RAPGEF4: variants seen among roughly 807,000 people sequenced by gnomAD.
RAPGEF4 encodes Rap guanine nucleotide exchange factor 4, also known as RAP guanine-nucleotide-exchange factor (GEF) 4.
A neutral mutation model predicts 147.9 loss-of-function variants in RAPGEF4; 66 were observed. The observed-to-expected ratio is 0.45, with a 90% CI of 0.37 to 0.55. The LOEUF (loss-of-function observed/expected upper bound fraction) is 0.55, where lower values mean the gene tolerates loss of function less well. Ranked by LOEUF, RAPGEF4 falls within the 20% of genes least tolerant of loss-of-function variation. The pLI is 0.00. For synonymous variants in RAPGEF4, 419 were observed against 442.7 expected, an observed-to-expected ratio of 0.95 and a Z score of 0.67; for missense variants, 1,071 against 1,257.3, an observed-to-expected ratio of 0.85 and a Z score of 2.24.
intron 6 of RAPGEF4, among the ~76,000 whole-genome samples, chr2:172,929,764 A>G (rs1685731962): frequency 6.6e-6 from 1 of 152,196 alleles, no homozygotes; most frequent in African/African-American, 2.4e-5. Flanking sequence ...ACGTGAACAA[A>G]TAAGAACAGT....
At chr2:172,981,717 A>G (rs1203917684) in intron 10 of RAPGEF4, among the ~76,000 whole-genome samples, 1 of 152,250 alleles carries the variant, frequency 6.6e-6, no homozygotes, top group African/African-American at 2.4e-5. Flanking sequence ...TGTGCAAAGT[A>G]TGCAGAGTTT....
At chr2:172,892,097 G>A (rs1027984096) in intron 4 of RAPGEF4, among the ~76,000 whole-genome samples, 1 of 152,098 alleles carries the variant, frequency 6.6e-6, no homozygotes, top group African/African-American at 2.4e-5. Flanking sequence ...TGTGAATGGT[G>A]GGGTGGCAGT....
intron 8 of RAPGEF4, among the ~76,000 whole-genome samples, chr2:172,963,801 C>T (rs945697128): frequency 6.6e-6 from 1 of 152,166 alleles, no homozygotes; most frequent in African/African-American, 2.4e-5. Context: ...CCACAGTATT[C>T]GGGGGCTGAA....
At position 172,795,059 on chromosome 2, in the gene RAPGEF4, A is replaced by C. The variant is rs747948672; in HGVS notation, c.100A>C (p.Ile34Leu). ...LERSSEDVDI[I>L]FTRLKEVKAF... ...GCGATCCAGCGAAGATGTGGATATA[A>C]TCTTCACTCGACTGAAAGAAGTTAA... The change falls in exon 2 of 31, where the codon ATC becomes CTC. Residue 34 changes from isoleucine (I) to leucine (L), a missense_variant. Coordinates refer to ENST00000397081, the MANE Select transcript of RAPGEF4 (RefSeq NM_007023.4). The C allele has an allele frequency of 6.2e-7, 1 of 1,613,950 alleles. No homozygotes were observed.
intron 3 of RAPGEF4, among the ~76,000 whole-genome samples, chr2:172,804,835 G>A (rs1271277693): frequency 6.6e-6 from 1 of 152,146 alleles, no homozygotes; most frequent in East Asian, 1.9e-4. Flanking sequence ...CAGACATTTC[G>A]ATGAGTGCTG....
intron 4 of RAPGEF4, among the ~76,000 whole-genome samples, chr2:172,832,953 C>T (rs1034955773): frequency 2.0e-5 from 3 of 152,228 alleles, no homozygotes; most frequent in Non-Finnish European, 4.4e-5. Context: ...CGGTGGCTCA[C>T]GCCTGTGATC....
In RAPGEF4 at chr2:172,743,550, A is replaced by C. The variant is rs528636723; in HGVS notation, c.65+7502A>C. Among the ~76,000 whole-genome samples, 10 of 152,310 alleles carry C rather than the reference A, an allele frequency of 6.6e-5. No homozygotes were observed. The East Asian group carries it at 1.9e-3, about 29-fold the overall frequency. On this transcript the variant is annotated intron_variant, in intron 1 of 30. Coordinates refer to ENST00000397081, the MANE Select transcript of RAPGEF4 (RefSeq NM_007023.4). Reference sequence around the variant, plus strand: ...TTTGTCTGTTGGATATTCCCACATGAATATCCCATTAATATTTTGTGGGGC... The same window carrying C: ...TTTGTCTGTTGGATATTCCCACATGCATATCCCATTAATATTTTGTGGGGC...
At chr2:172,803,820 A>G (rs1222593318) in intron 3 of RAPGEF4, among the ~76,000 whole-genome samples, 1 of 152,092 alleles carries the variant, frequency 6.6e-6, no homozygotes, top group African/African-American at 2.4e-5. Context: ...TCTGCCAGAA[A>G]CCCTAAATCA....
At chr2:172,902,523 G>A (rs577001889) in intron 4 of RAPGEF4, among the ~76,000 whole-genome samples, 6 of 152,104 alleles carry the variant, frequency 3.9e-5, no homozygotes, top group South Asian at 2.1e-4. Context: ...GGCTGGTCTC[G>A]ATGCCTGGAT....
At chr2:172,747,168 A>G (rs1171220516) in intron 1 of RAPGEF4, among the ~76,000 whole-genome samples, 1 of 152,204 alleles carries the variant, frequency 6.6e-6, no homozygotes, top group African/African-American at 2.4e-5. Flanking sequence ...GCGTTAGAAC[A>G]GCCTTATTCT....
intron 4 of RAPGEF4, among the ~76,000 whole-genome samples, chr2:172,862,896 AC>A (rs1452610798): frequency 6.6e-6 from 1 of 152,150 alleles, no homozygotes; most frequent in Non-Finnish European, 1.5e-5. Context: ...AGTATCATTT[AC>A]CCCGTGGACT....
chr2:172,835,918 T>C (rs1479882258), intron 4 of RAPGEF4, among the ~76,000 whole-genome samples: 1 of 152,174 alleles, frequency 6.6e-6, no homozygotes, highest in Non-Finnish European at 1.5e-5. Flanking sequence ...TAAATTAGAA[T>C]GTGGGTCTAG....
At chr2:172,946,387 G>A (rs1687680286) in intron 6 of RAPGEF4, among the ~76,000 whole-genome samples, 2 of 152,040 alleles carry the variant, frequency 1.3e-5, no homozygotes, top group South Asian at 2.1e-4. Context: ...AATAGGAAAA[G>A]GTAGAAACCT....
chr2:172,924,991 A>G (rs909462054), intron 6 of RAPGEF4, among the ~76,000 whole-genome samples: 1 of 152,150 alleles, frequency 6.6e-6, no homozygotes. Flanking sequence ...TCTGTTGCCC[A>G]GGCTGGAGTG....
At chr2:173,016,473 TC>T (rs1695519599) in intron 19 of RAPGEF4, 36 bp downstream of exon 19, 1 of 1,514,224 alleles carries the variant, frequency 6.6e-7, no homozygotes. Context: ...TGTGCTTTCA[TC>T]AAGTAAATCT....
At chr2:172,919,180 A>C (rs919506983) in intron 5 of RAPGEF4, among the ~76,000 whole-genome samples, 5 of 152,090 alleles carry the variant, frequency 3.3e-5, no homozygotes, top group Admixed American at 1.3e-4. Context: ...GACATCTGGC[A>C]AGGCACGTAG....
At chr2:172,850,308 A>G (rs1476081416) in intron 4 of RAPGEF4, among the ~76,000 whole-genome samples, 2 of 152,180 alleles carry the variant, frequency 1.3e-5, no homozygotes, top group African/African-American at 4.8e-5. Flanking sequence ...GGTTTGTAAC[A>G]TTTTTAAATT....
At chr2:172,933,326 G>A (rs111472123) in intron 6 of RAPGEF4, among the ~76,000 whole-genome samples, 15 of 152,152 alleles carry the variant, frequency 9.9e-5, no homozygotes, top group African/African-American at 2.7e-4. Flanking sequence ...GATTAAATAC[G>A]AGGTAAGAGA....
chr2:172,865,836 A>G (rs1694576102), intron 4 of RAPGEF4, among the ~76,000 whole-genome samples: 1 of 151,928 alleles, frequency 6.6e-6, no homozygotes, highest in Non-Finnish European at 1.5e-5. Flanking sequence ...AATTATATAT[A>G]TGTGTGTGTG....
Sources: gnomAD v4.1 joint callset for allele counts (sites outside exome capture counted in the v4.1 genomes callset) on GRCh38, gnomAD v4.1.1 for gene constraint, MANE v1.5 for transcripts, NCBI Gene and HGNC (gene_info 2026-07-23, HGNC 2026-07-21) for gene names.